Variants in ACTL8 observed in about 807,000 individuals in gnomAD.
ACTL8 encodes actin-like protein 8.
In ACTL8, 3 loss-of-function variants were observed where a neutral mutation model predicts 9.3. That is an observed-to-expected ratio of 0.32 (90% CI 0.15 to 0.83). The LOEUF is 0.83. Ranked by LOEUF, ACTL8 falls within the 40% of genes least tolerant of loss-of-function variation. The pLI is 0.57. For synonymous variants in ACTL8, 224 were observed against 205.9 expected (o/e 1.09, Z -0.75); for missense variants, 381 against 492.2 (o/e 0.77, Z 2.14).
At chr1:17,757,964 G>A (rs536160072) in intron 1 of ACTL8, among the ~76,000 whole-genome samples, 3 of 152,296 alleles carry the variant, frequency 2.0e-5, no homozygotes, top group South Asian at 2.1e-4. Flanking sequence ...CAAAGGCTTG[G>A]GGAGACCGCA....
At chr1:17,819,373 T>C (rs1042853444) in intron 1 of ACTL8, among the ~76,000 whole-genome samples, 1 of 152,216 alleles carries the variant, frequency 6.6e-6, no homozygotes, top group Non-Finnish European at 1.5e-5. Flanking sequence ...CCACGCTCCT[T>C]CTTGGCTCTC....
intron 1 of ACTL8, among the ~76,000 whole-genome samples, chr1:17,820,506 C>A (rs1188777609): frequency 6.6e-6 from 1 of 151,280 alleles, no homozygotes; most frequent in African/African-American, 2.4e-5. Flanking sequence ...CGTACGTTTT[C>A]ATTTCCCTTG....
intron 1 of ACTL8, among the ~76,000 whole-genome samples, chr1:17,792,846 C>T (rs927389901): frequency 5.3e-5 from 8 of 152,174 alleles, no homozygotes; most frequent in African/African-American, 1.9e-4. Flanking sequence ...TGTTATCATC[C>T]AGGGAGGTGG....
At chr1:17,808,877 G>A (rs970666794) in intron 1 of ACTL8, among the ~76,000 whole-genome samples, 2 of 152,198 alleles carry the variant, frequency 1.3e-5, no homozygotes, top group African/African-American at 4.8e-5. Context: ...TTTAGCTTCA[G>A]GTGCATGGAG....
At chr1:17,798,689 T>C (rs1267795076) in intron 1 of ACTL8, among the ~76,000 whole-genome samples, 12 of 152,222 alleles carry the variant, frequency 7.9e-5, no homozygotes, top group Non-Finnish European at 1.5e-4. Context: ...TCTATCTTTG[T>C]TCCCCCAGGT....
intron 1 of ACTL8, among the ~76,000 whole-genome samples, chr1:17,792,672 C>A (rs539210261): frequency 6.6e-6 from 1 of 152,330 alleles, no homozygotes; most frequent in African/African-American, 2.4e-5. Flanking sequence ...GGGACAGTGG[C>A]TCCTTGTCTC....
Position 17,802,052 on chromosome 1 carries a change from T to C in ACTL8, c.-24-20933T>C, listed in dbSNP as rs1016608621. Among the ~76,000 whole-genome samples, 5 of 152,196 alleles carry C rather than the reference T, an allele frequency of 3.3e-5. No individual in the cohort carries two copies. The East Asian group carries it at 9.6e-4, about 29-fold the overall frequency. On this transcript the variant is annotated intron_variant, in intron 1 of 2. Coordinates refer to ENST00000375406, the MANE Select transcript of ACTL8 (RefSeq NM_030812.3). ...ACCTCTACTATCCCAATGAGGAGCA[T>C]GAAGAGAAACAAGAAAATGGATGCC...
intron 1 of ACTL8, among the ~76,000 whole-genome samples, chr1:17,788,918 G>A (rs1166421531): frequency 6.6e-6 from 1 of 152,218 alleles, no homozygotes; most frequent in Non-Finnish European, 1.5e-5. Context: ...GCATGGCTCA[G>A]GTCATCTCTC....
In ACTL8 at chr1:17,823,388, G is replaced by T; in HGVS notation, c.348+32G>T. Reference sequence around the variant, plus strand: ...CCTGCCGGGGCCTGCTCCCACTCGGGAGCGGGAAACAGACTGACACTATGT... The same window carrying T: ...CCTGCCGGGGCCTGCTCCCACTCGGTAGCGGGAAACAGACTGACACTATGT... On this transcript the variant is annotated intron_variant, in intron 2 of 2. Coordinates refer to ENST00000375406, the MANE Select transcript of ACTL8 (RefSeq NM_030812.3). The surrounding 1 kb of genome is among the most constrained non-coding windows in gnomAD (Gnocchi z 5.3). 1 of 1,581,746 alleles carries T rather than the reference G, an allele frequency of 6.3e-7. No homozygotes were observed. Among genetic ancestry groups the T allele is most frequent in the South Asian group, 1.1e-5 (1 of 87,378 alleles).
chr1:17,761,134 ATTTTTTT>A lies in ACTL8; in HGVS notation c.-25+5645_-25+5651del, dbSNP rs935834059. Among the ~76,000 whole-genome samples the A allele has an allele frequency of 4.3e-3, 565 of 131,382 alleles. 2 individuals are homozygous for A. The highest frequency in any genetic ancestry group is 6.9e-3 in the Admixed American group (90 of 13,066). 86.2% of individuals were successfully genotyped at this position (131,382 alleles called of 152,430 possible). On this transcript the variant is annotated intron_variant, in intron 1 of 2. Transcript: ENST00000375406. ...CGGGGACAGGGGTCATTGCGGCTTA[ATTTTTTT>A]TTTTTTTTTTTTTTGGTAGAGACAA...
rs36094618 is a variant in ACTL8, at chr1:17,820,568, C to CT, written c.-24-2401dup. Among the ~76,000 whole-genome samples the CT allele has an allele frequency of 1.3e-3, 178 of 139,536 alleles. 1 individual carries two copies. The highest frequency in any genetic ancestry group is 8.2e-3 in the East Asian group (39 of 4,774). The allele number at this position is 139,536 out of a possible 152,430, so 91.5% of individuals were successfully genotyped here. A position where few individuals can be genotyped will look rare whatever the true frequency, so the allele number is the denominator to read the frequency against. ...GGTCATACGGTAGGTGTATGTTGAACTTTTTTTTTTTTTTTTGAGATGGAG... is the reference window on the plus strand; with the variant it reads ...GGTCATACGGTAGGTGTATGTTGAACTTTTTTTTTTTTTTTTTGAGATGGAG... On this transcript the variant is annotated intron_variant, in intron 1 of 2. Transcript: ENST00000375406.
At chr1:17,792,478 A>G (rs1314939429) in intron 1 of ACTL8, among the ~76,000 whole-genome samples, 1 of 152,186 alleles carries the variant, frequency 6.6e-6, no homozygotes, top group Non-Finnish European at 1.5e-5. Flanking sequence ...CTTTCTGATA[A>G]TCAAACATCA....
intron 1 of ACTL8, among the ~76,000 whole-genome samples, chr1:17,774,979 G>C (rs1224886807): frequency 6.6e-6 from 1 of 152,182 alleles, no homozygotes; most frequent in Admixed American, 6.5e-5. Context: ...GGAGGCGTGG[G>C]CTCTGGAATC....
At chr1:17,788,773 C>T (rs2066217321) in intron 1 of ACTL8, among the ~76,000 whole-genome samples, 1 of 152,222 alleles carries the variant, frequency 6.6e-6, no homozygotes, top group Admixed American at 6.5e-5. Flanking sequence ...AGGCCCAGTG[C>T]AAACCAGAAA....
At chr1:17,815,222 T>C (rs2066418897) in intron 1 of ACTL8, among the ~76,000 whole-genome samples, 1 of 152,232 alleles carries the variant, frequency 6.6e-6, no homozygotes, top group South Asian at 2.1e-4. Flanking sequence ...GAGAAAAATA[T>C]ACTTTATAAT....
At chr1:17,786,560 A>G (rs1263045778) in intron 1 of ACTL8, among the ~76,000 whole-genome samples, 4 of 152,192 alleles carry the variant, frequency 2.6e-5, no homozygotes, top group Non-Finnish European at 5.9e-5. Context: ...TTGTGTCTAA[A>G]TGGCCTGAAG....
chr1:17,774,403 C>T lies in ACTL8; in HGVS notation c.-25+18899C>T, dbSNP rs984176997. ...AGGTGCTCCGTAAATATCAGCCCCA[C>T]GTGGAGCTTACAGTATGTCAGAATG... On this transcript the variant is annotated intron_variant, in intron 1 of 2. Coordinates refer to ENST00000375406, the MANE Select transcript of ACTL8 (RefSeq NM_030812.3). 3.3e-5 allele frequency among the ~76,000 whole-genome samples: 5 copies of T among 151,664 alleles called. No individual in the cohort carries two copies. In the East Asian group the frequency reaches 5.9e-4, roughly 18 times the overall value.
intron 1 of ACTL8, among the ~76,000 whole-genome samples, chr1:17,813,257 C>G (rs2066404901): frequency 6.6e-6 from 1 of 152,188 alleles, no homozygotes; most frequent in South Asian, 2.1e-4. Context: ...CTCACTATTA[C>G]CTATGTGAGT....
At chr1:17,825,619 C>T (rs2053708571) in intron 2 of ACTL8, 148 bp from the exon 3 acceptor site, 1 of 1,030,304 alleles carries the variant, frequency 9.7e-7, no homozygotes, top group Non-Finnish European at 1.4e-6. Context: ...GCTGCATTAT[C>T]CTCACTGCAT....
Sources: gnomAD v4.1 joint callset for allele counts (sites outside exome capture counted in the v4.1 genomes callset) on GRCh38, gnomAD v4.1.1 for gene constraint, Gnocchi (gnomAD v3.1) non-coding constraint, MANE v1.5 for transcripts, NCBI Gene and HGNC (gene_info 2026-07-23, HGNC 2026-07-21) for gene names.